FMN2: variants seen among roughly 807,000 people sequenced by gnomAD.
FMN2 encodes the protein formin-2.
Under a neutral mutation model 142.3 loss-of-function variants are expected in FMN2, and 51 were observed. The ratio of observed to expected loss-of-function variants is 0.36; its 90% CI spans 0.29 to 0.45. The LOEUF (loss-of-function observed/expected upper bound fraction) is 0.45. Among genes scored for constraint, FMN2 ranks in the 20% least tolerant of loss-of-function variants. FMN2 has a pLI of 1.00. For synonymous variants in FMN2, 882 were observed against 869.8 expected, an observed-to-expected ratio of 1.01 and a Z score of -0.25; for missense variants, 1,936 against 2,122.8, an observed-to-expected ratio of 0.91 and a Z score of 1.73.
intron 15 of FMN2, among the ~76,000 whole-genome samples, chr1:240,425,875 C>T (rs990258014): frequency 6.6e-6 from 1 of 152,170 alleles, no homozygotes; most frequent in African/African-American, 2.4e-5. Context: ...CTTCACTCTG[C>T]CATGAGTAGT....
intron 5 of FMN2, among the ~76,000 whole-genome samples, chr1:240,209,732 G>A (rs1157759047): frequency 1.3e-5 from 2 of 150,898 alleles, no homozygotes; most frequent in East Asian, 2.1e-4. Context: ...GTGAAACCTC[G>A]TCTCTACTAA....
In FMN2 at chr1:240,230,479, CAGAG is replaced by C. The variant is rs1237538641; in HGVS notation, c.4065+19247_4065+19250del. Among the ~76,000 whole-genome samples the C allele has an allele frequency of 2.3e-5, 3 of 132,024 alleles. 1 individual carries two copies. The highest frequency in any genetic ancestry group is 4.8e-5 in the Non-Finnish European group (3 of 62,874). 86.6% of individuals were successfully genotyped at this position (132,024 alleles called of 152,430 possible). A position where few individuals can be genotyped will look rare whatever the true frequency, so the allele number is the denominator to read the frequency against. ...ATTTCTGTTTTTTCCTATTTTTTCT[CAGAG>C]AGCCATAAAAAAATTTTGTTTTGAG... On this transcript the variant is annotated intron_variant, in intron 6 of 17. Coordinates refer to ENST00000319653, the MANE Select transcript of FMN2 (RefSeq NM_020066.5).
intron 16 of FMN2, among the ~76,000 whole-genome samples, chr1:240,466,127 A>G (rs1676614397): frequency 6.6e-6 from 1 of 152,258 alleles, no homozygotes; most frequent in Admixed American, 6.5e-5. Flanking sequence ...TTTGAAAAAT[A>G]CCAAAATAAA....
At chr1:240,297,037 C>T (rs1342645189) in intron 8 of FMN2, among the ~76,000 whole-genome samples, 2 of 152,092 alleles carry the variant, frequency 1.3e-5, no homozygotes, top group African/African-American at 4.8e-5. Flanking sequence ...ACCAGGAGGG[C>T]CATATGGAAG....
At chr1:240,332,756 G>A (rs375084565) in intron 11 of FMN2, among the ~76,000 whole-genome samples, 1 of 152,270 alleles carries the variant, frequency 6.6e-6, no homozygotes, top group African/African-American at 2.4e-5. Context: ...TAAAACAAAT[G>A]TAACTATATT....
chr1:240,297,431 T>TA (rs1429696113), intron 8 of FMN2, among the ~76,000 whole-genome samples: 1 of 151,660 alleles, frequency 6.6e-6, no homozygotes, highest in African/African-American at 2.4e-5. Flanking sequence ...CCGTCTCTAC[T>TA]AAAAATACAA....
intron 14 of FMN2, among the ~76,000 whole-genome samples, chr1:240,362,781 C>T (rs1391504652): frequency 1.3e-5 from 2 of 152,004 alleles, no homozygotes; most frequent in Non-Finnish European, 1.5e-5. Context: ...ATGGCAATTT[C>T]TTTAAAAAAA....
chr1:240,206,457 A>G (rs1666355434), intron 4 of FMN2, among the ~76,000 whole-genome samples: 1 of 152,160 alleles, frequency 6.6e-6, no homozygotes. Context: ...GGAACATCCT[A>G]AAAACCAGTG....
Position 240,329,616 on chromosome 1 carries a change from T to C in FMN2, c.4437+148T>C, listed in dbSNP as rs1051714080. ...TCCCACAGAAGGGAACATTTTATGA[T>C]TGACCTTCAAGATCAAAGTAAATGT... On this transcript the variant is annotated intron_variant, in intron 10 of 17. Coordinates refer to ENST00000319653, the MANE Select transcript of FMN2 (RefSeq NM_020066.5). 5.4e-6 allele frequency: 6 copies of C among 1,105,486 alleles called. No homozygotes were observed. In the African/African-American group the frequency reaches 7.9e-5, roughly 15 times the overall value. 68.5% of individuals were successfully genotyped at this position (1,105,486 alleles called of 1,614,324 possible).
chr1:240,436,420 G>A (rs1361511480), intron 15 of FMN2, among the ~76,000 whole-genome samples: 1 of 152,142 alleles, frequency 6.6e-6, no homozygotes, highest in South Asian at 2.1e-4. Context: ...TCATACATTG[G>A]TAACCCACAG....
At chr1:240,393,055 A>G (rs1055474507) in intron 15 of FMN2, among the ~76,000 whole-genome samples, 4 of 152,106 alleles carry the variant, frequency 2.6e-5, no homozygotes, top group Non-Finnish European at 5.9e-5. Flanking sequence ...ATCTCTCTAT[A>G]TACGTCAGGG....
At chr1:240,282,246 G>C (rs1019950065) in intron 7 of FMN2, among the ~76,000 whole-genome samples, 1 of 152,130 alleles carries the variant, frequency 6.6e-6, no homozygotes, top group Non-Finnish European at 1.5e-5. Flanking sequence ...TCCAAGAGAT[G>C]CACAGCTGGT....
intron 6 of FMN2, among the ~76,000 whole-genome samples, chr1:240,255,423 A>C (rs1400018337): frequency 6.6e-6 from 1 of 152,152 alleles, no homozygotes; most frequent in African/African-American, 2.4e-5. Context: ...TCCAAGGAAC[A>C]CACTTTGAGA....
intron 1 of FMN2, 40 bp downstream of exon 1, chr1:240,093,764 C>A: frequency 7.8e-7 from 1 of 1,281,382 alleles, no homozygotes; most frequent in Non-Finnish European, 9.9e-7. Flanking sequence ...TCTCAAGTCG[C>A]CTGTCAGTCA....
intron 14 of FMN2, among the ~76,000 whole-genome samples, chr1:240,362,485 A>G (rs770075393): frequency 3.3e-5 from 5 of 152,154 alleles, no homozygotes; most frequent in South Asian, 2.1e-4. Flanking sequence ...TTCCTAATAT[A>G]TCTCTCAGAA....
chr1:240,283,065 G>C (rs1213046663), intron 7 of FMN2, among the ~76,000 whole-genome samples: 1 of 152,146 alleles, frequency 6.6e-6, no homozygotes, highest in African/African-American at 2.4e-5. Flanking sequence ...CCTCCCGAAG[G>C]TTTCTATGCT....
chr1:240,198,844 C>T (rs113359859), intron 4 of FMN2, among the ~76,000 whole-genome samples: 3,232 of 152,256 alleles, frequency 0.021, 125 homozygotes, highest in African/African-American at 0.073. Context: ...CGGTGGCTCA[C>T]ACCTGTAATC....
chr1:240,451,093 C>A (rs936146536), intron 16 of FMN2, among the ~76,000 whole-genome samples: 1 of 152,088 alleles, frequency 6.6e-6, no homozygotes, highest in African/African-American at 2.4e-5. Context: ...CTTGGCTGGG[C>A]GCAGTGGCTC....
chr1:240,292,344 C>T (rs561614290), intron 7 of FMN2, among the ~76,000 whole-genome samples: 32 of 152,208 alleles, frequency 2.1e-4, no homozygotes, highest in Non-Finnish European at 1.3e-4. Context: ...ATAAAAAATG[C>T]ATTCAGTCAT....
Sources: gnomAD v4.1 joint callset for allele counts (sites outside exome capture counted in the v4.1 genomes callset) on GRCh38, gnomAD v4.1.1 for gene constraint, MANE v1.5 for transcripts, NCBI Gene and HGNC (gene_info 2026-07-23, HGNC 2026-07-21) for gene names.